CCNY: variants seen among roughly 807,000 people sequenced by gnomAD.
CCNY encodes cyclin-Y.
In CCNY, 19 loss-of-function variants were observed where a neutral mutation model predicts 42.8. The ratio of observed to expected loss-of-function variants is 0.44; its 90% CI spans 0.31 to 0.65. The LOEUF (loss-of-function observed/expected upper bound fraction) is 0.65, where lower values mean the gene tolerates loss of function less well. Among genes scored for constraint, CCNY ranks in the 30% least tolerant of loss-of-function variants. CCNY has a pLI of 0.07. For synonymous variants in CCNY, 165 were observed against 162.7 expected (o/e 1.01, Z -0.11); for missense variants, 370 against 437.3 (o/e 0.85, Z 1.37).
In CCNY at chr10:35,252,639, G is replaced by A. The variant is rs1028060429; in HGVS notation, c.-9+2013G>A. Among the ~76,000 whole-genome samples the A allele has an allele frequency of 2.6e-5, 4 of 151,118 alleles. No homozygotes were observed. In the South Asian group the frequency reaches 8.4e-4, roughly 32 times the overall value. ...CATTGAGGTATGAAAAATATTGCTG[G>A]AACAGTATTGGAAAATATATTCTCT... is the stretch of plus-strand genomic sequence containing the variant. On this transcript the variant is annotated intron_variant, in intron 3 of 11. Transcript: ENST00000374706.
At chr10:35,362,799 C>T (rs1384425868) in intron 1 of CCNY, among the ~76,000 whole-genome samples, 4 of 149,786 alleles carry the variant, frequency 2.7e-5, no homozygotes, top group Non-Finnish European at 4.4e-5. Flanking sequence ...CGGCCAGAGG[C>T]GCTCCTCACT....
At chr10:35,352,939 T>A (rs1001964497) in intron 1 of CCNY, among the ~76,000 whole-genome samples, 9 of 152,176 alleles carry the variant, frequency 5.9e-5, no homozygotes, top group African/African-American at 2.2e-4. Context: ...CTTTCTTTCT[T>A]TTTTGAGATA....
At chr10:35,307,108 C>G (rs577654611) in intron 3 of CCNY, among the ~76,000 whole-genome samples, 1 of 152,160 alleles carries the variant, frequency 6.6e-6, no homozygotes, top group Non-Finnish European at 1.5e-5. Context: ...TCGGGTAACA[C>G]GCTGGCAACC....
intron 1 of CCNY, among the ~76,000 whole-genome samples, chr10:35,350,642 ATCCTT>A (rs1836409695): frequency 6.6e-6 from 1 of 152,222 alleles, no homozygotes; most frequent in Non-Finnish European, 1.5e-5. Context: ...ATTCAAGGGC[ATCCTT>A]AGTGGAAAAC....
intron 1 of CCNY, among the ~76,000 whole-genome samples, chr10:35,430,108 C>A (rs1388354809): frequency 6.6e-6 from 1 of 151,474 alleles, no homozygotes; most frequent in Non-Finnish European, 1.5e-5. Context: ...GAGGCCGAGG[C>A]GGGCGGATCA....
At chr10:35,295,558 C>A (rs925824887) in intron 3 of CCNY, among the ~76,000 whole-genome samples, 2 of 151,998 alleles carry the variant, frequency 1.3e-5, no homozygotes, top group African/African-American at 2.4e-5. Context: ...AAACTCTATA[C>A]CCATTAATCA....
At chr10:35,483,825 T>A (rs1158922151) in intron 2 of CCNY, among the ~76,000 whole-genome samples, 1 of 152,228 alleles carries the variant, frequency 6.6e-6, no homozygotes, top group Admixed American at 6.5e-5. Context: ...TTAGACAGTA[T>A]GTAAAAGAAA....
chr10:35,346,772 G>A (rs560018403), intron 1 of CCNY, among the ~76,000 whole-genome samples: 119 of 152,176 alleles, frequency 7.8e-4, no homozygotes, highest in Middle Eastern at 3.4e-3. Context: ...GACTATAGTC[G>A]TGTGCCACCA....
At chr10:35,312,355 T>C (rs1045569642) in intron 3 of CCNY, among the ~76,000 whole-genome samples, 6 of 119,864 alleles carry the variant, frequency 5.0e-5, no homozygotes, top group African/African-American at 2.0e-4. Flanking sequence ...CACTCCAGCC[T>C]GGGCAACAGA....
intron 1 of CCNY, among the ~76,000 whole-genome samples, chr10:35,451,105 G>T (rs1180069953): frequency 3.9e-5 from 6 of 152,138 alleles, no homozygotes; most frequent in Non-Finnish European, 1.5e-5. Context: ...TTTTTGAAGA[G>T]TGTTAGGCAG....
intron 3 of CCNY, among the ~76,000 whole-genome samples, chr10:35,265,936 C>A (rs1184742563): frequency 6.6e-6 from 1 of 152,188 alleles, no homozygotes; most frequent in East Asian, 1.9e-4. Context: ...CAGAAGCCAG[C>A]CCCACTCTTT....
chr10:35,453,733 T>G (rs1309780822), intron 1 of CCNY, among the ~76,000 whole-genome samples: 1 of 152,206 alleles, frequency 6.6e-6, no homozygotes, highest in Non-Finnish European at 1.5e-5. Context: ...AAATCTGGCT[T>G]TTTTAAGGCT....
chr10:35,492,692 T>C (rs1437347603), intron 2 of CCNY, among the ~76,000 whole-genome samples: 7 of 152,228 alleles, frequency 4.6e-5, no homozygotes, highest in Non-Finnish European at 5.9e-5. Context: ...CTCACAAGCA[T>C]AGGGGAATGA....
At chr10:35,527,899 C>T (rs1840684814) in intron 5 of CCNY, among the ~76,000 whole-genome samples, 1 of 152,180 alleles carries the variant, frequency 6.6e-6, no homozygotes, top group African/African-American at 2.4e-5. Context: ...AGTTGGGACA[C>T]ACAGCTTTTA....
chr10:35,433,057 C>T (rs951788729), intron 1 of CCNY, among the ~76,000 whole-genome samples: 12 of 152,088 alleles, frequency 7.9e-5, no homozygotes, highest in African/African-American at 2.9e-4. Flanking sequence ...TAAGATACTG[C>T]CTGTAGGCTG....
At chr10:35,470,368 G>A (rs973835495) in intron 1 of CCNY, among the ~76,000 whole-genome samples, 1 of 152,174 alleles carries the variant, frequency 6.6e-6, no homozygotes, top group African/African-American at 2.4e-5. Context: ...CAGAGCAGAT[G>A]ACTGAGGGCT....
chr10:35,537,939 C>G (rs1006533662), intron 7 of CCNY, among the ~76,000 whole-genome samples: 10 of 152,152 alleles, frequency 6.6e-5, no homozygotes, highest in African/African-American at 2.4e-4. Context: ...GTGTCCCCAC[C>G]AAGATCGCAT....
chr10:35,551,903 T>C (rs1841266289), intron 7 of CCNY, among the ~76,000 whole-genome samples: 1 of 152,184 alleles, frequency 6.6e-6, no homozygotes, highest in South Asian at 2.1e-4. Flanking sequence ...TGTGGAGAAA[T>C]TGGAATCCTT....
intron 3 of CCNY, among the ~76,000 whole-genome samples, chr10:35,270,968 G>A (rs1286783738): frequency 1.2e-4 from 18 of 151,850 alleles, no homozygotes; most frequent in Middle Eastern, 3.4e-3. Flanking sequence ...CTCGTGATCC[G>A]CCCGCCTCAG....
Sources: gnomAD v4.1 joint callset for allele counts (sites outside exome capture counted in the v4.1 genomes callset) on GRCh38, gnomAD v4.1.1 for gene constraint, MANE v1.5 for transcripts, NCBI Gene and HGNC (gene_info 2026-07-23, HGNC 2026-07-21) for gene names.